Variants in ABCG8 observed in about 807,000 individuals in gnomAD.
The protein encoded by ABCG8 is ATP-binding cassette sub-family G member 8.
Under a neutral mutation model 71.3 loss-of-function variants are expected in ABCG8, and 81 were observed. The ratio of observed to expected loss-of-function variants is 1.14; its 90% CI spans 0.95 to 1.37. The LOEUF (loss-of-function observed/expected upper bound fraction) is 1.37. ABCG8 is among the 40% of genes most tolerant of loss of function. ABCG8 has a pLI of 0.00. For synonymous variants in ABCG8, 451 were observed against 354.7 expected, an observed-to-expected ratio of 1.27 and a Z score of -3.05; for missense variants, 1,119 against 866.2, an observed-to-expected ratio of 1.29 and a Z score of -3.66.
chr2:43,854,453 C>T (rs1206107418), intron 6 of ABCG8, among the ~76,000 whole-genome samples: 4 of 151,986 alleles, frequency 2.6e-5, no homozygotes, highest in African/African-American at 4.8e-5. Context: ...CATGGTGAAA[C>T]TCTGTCTCTA....
At chr2:43,840,669 C>A (rs1460575631) in intron 1 of ABCG8, among the ~76,000 whole-genome samples, 1 of 152,186 alleles carries the variant, frequency 6.6e-6, no homozygotes, top group Non-Finnish European at 1.5e-5. Context: ...TCCTCACAAC[C>A]TGAAAGGCCA....
chr2:43,865,954 G>A (rs1047622127), intron 6 of ABCG8, among the ~76,000 whole-genome samples: 1 of 149,890 alleles, frequency 6.7e-6, no homozygotes, highest in Non-Finnish European at 1.5e-5. Context: ...ACCCTCTTAG[G>A]CTACAGTAAC....
intron 6 of ABCG8, among the ~76,000 whole-genome samples, chr2:43,865,455 A>G (rs1024851871): frequency 6.6e-6 from 1 of 151,474 alleles, no homozygotes; most frequent in East Asian, 1.9e-4. Context: ...CAGTATCTGG[A>G]TAGAATTCTC....
rs1468507317 is a variant in ABCG8 at position 43,875,136 on chromosome 2, T to C, written c.1489-10T>C. ...TGGCTTCATATCCTTGCAAGGGCTG[T>C]TCTTTGCAGATCCTCGGGGAGCTTC... On this transcript the variant is annotated splice_polypyrimidine_tract_variant and intron_variant, in intron 10 of 12. Transcript: ENST00000272286. The C allele has an allele frequency of 6.2e-7, 1 of 1,614,194 alleles. No individual in the cohort carries two copies. Among genetic ancestry groups the C allele is most frequent in the South Asian group, 1.1e-5 (1 of 91,084 alleles).
rs911286494 is a variant in ABCG8, at chr2:43,882,490, T to C, written c.*4577T>C. ...CGGGGAAAGTGATGAAATATTTTGT[T>C]GGTTGGCCTTTGCTTGTTTGCAAAA... On this transcript the variant is annotated 3_prime_UTR_variant, in exon 13 of 13. Coordinates refer to ENST00000272286, the MANE Select transcript of ABCG8 (RefSeq NM_022437.3). The C allele has an allele frequency of 6.6e-6, 1 of 152,266 alleles. No individual in the cohort carries two copies. The highest frequency in any genetic ancestry group is 2.4e-5 in the African/African-American group (1 of 41,462). 9.4% of individuals were successfully genotyped at this position (152,266 alleles called of 1,614,324 possible). A position where few individuals can be genotyped will look rare whatever the true frequency, so the allele number is the denominator to read the frequency against.
rs1001488865 is a variant in ABCG8, at chr2:43,845,080, A to G, written c.165+472A>G. On this transcript the variant is annotated intron_variant, in intron 2 of 12. Transcript: ENST00000272286. ...TTCAGATTTCATTAGTTATATATAT[A>G]TGTGTGTGTGTGTGTGTGTATATAT... 5.5e-4 allele frequency among the ~76,000 whole-genome samples: 76 copies of G among 139,098 alleles called. No homozygotes were observed. In the South Asian group the frequency reaches 0.013, roughly 24 times the overall value. The allele number at this position is 139,098 out of a possible 152,430, so 91.3% of individuals were successfully genotyped here. A position where few individuals can be genotyped will look rare whatever the true frequency, so the allele number is the denominator to read the frequency against.
rs997459654 is a variant in ABCG8, at chr2:43,881,732, G to A, written c.*3819G>A. The A allele has an allele frequency of 2.0e-5, 3 of 149,160 alleles. No individual in the cohort carries two copies. The highest frequency in any genetic ancestry group is 7.4e-5 in the African/African-American group (3 of 40,308). The allele number at this position is 149,160 out of a possible 1,614,324, so 9.2% of individuals were successfully genotyped here. ...CAAAAAAAAAAAAAAAAAACCCAAG[G>A]CTCTCGAGGCATGCATGCTGTTCAG... On this transcript the variant is annotated 3_prime_UTR_variant, in exon 13 of 13. Coordinates refer to ENST00000272286, the MANE Select transcript of ABCG8 (RefSeq NM_022437.3).
At chr2:43,852,264 A>T in intron 4 of ABCG8, 90 bp from the exon 5 acceptor site, 1 of 1,581,780 alleles carries the variant, frequency 6.3e-7, no homozygotes, top group South Asian at 1.1e-5. Flanking sequence ...ACCCAGCCGG[A>T]GGAGCGGGCG....
Position 43,852,770 on chromosome 2 carries a change from G to C in ABCG8, c.866G>C (p.Gly289Ala), listed in dbSNP as rs769842021. Residue 289 changes from glycine (G) to alanine (A), a missense_variant, in exon 6 of 13, where the codon GGC becomes GCC. Transcript: ENST00000272286. ...LFDLVLLMTS[G>A]TPIYLGAAQH... The stretch of plus-strand genomic sequence containing the variant: ...GATCTGGTCCTCCTGATGACGTCTG[G>C]CACCCCCATCTACTTAGGGGCGGCC... 1 of 1,614,088 alleles carries C rather than the reference G, an allele frequency of 6.2e-7. No individual in the cohort carries two copies. Among genetic ancestry groups the C allele is most frequent in the Non-Finnish European group, 8.5e-7 (1 of 1,179,996 alleles).
intron 6 of ABCG8, among the ~76,000 whole-genome samples, chr2:43,855,283 A>C (rs1348470116): frequency 6.6e-6 from 1 of 151,704 alleles, no homozygotes; most frequent in Non-Finnish European, 1.5e-5. Flanking sequence ...TCTGTATATA[A>C]CTCTCACTAT....
chr2:43,873,835 T>C lies in ABCG8; in HGVS notation c.1260T>C (p.His420=), dbSNP rs749879982. The stretch of plus-strand genomic sequence containing the variant: ...GAGACCTGCCCACCCTCCTCATCCA[T>C]GGGGCGGAGGCCTGTCTGATGTCAA... ...DFRDLPTLLI[H]GAEACLMSMT... Residue 420 remains histidine, a synonymous_variant, in exon 9 of 13, where the codon CAT becomes CAC. Coordinates refer to ENST00000272286, the MANE Select transcript of ABCG8 (RefSeq NM_022437.3). 6 of 1,614,160 alleles carry C rather than the reference T, an allele frequency of 3.7e-6. No individual in the cohort carries two copies. The highest frequency in any genetic ancestry group is 5.1e-6 in the Non-Finnish European group (6 of 1,180,018).
intron 6 of ABCG8, among the ~76,000 whole-genome samples, chr2:43,855,858 C>A (rs1369083720): frequency 6.6e-6 from 1 of 152,078 alleles, no homozygotes; most frequent in Non-Finnish European, 1.5e-5. Flanking sequence ...GGATAGAATT[C>A]TCACTCACTG....
rs113955929 is a variant in ABCG8, at chr2:43,877,478, G to A, written c.1757-83G>A. 3.7e-5 allele frequency: 59 copies of A among 1,602,282 alleles called. 3 individuals are homozygous for A. The African/African-American group carries it at 4.3e-4, about 12-fold the overall frequency. Reference sequence around the variant, plus strand: ...CCATGGGAATATGGGGAGACTCTGTGAATATGGGGGAGACCATGCGAATAT... The same window carrying A: ...CCATGGGAATATGGGGAGACTCTGTAAATATGGGGGAGACCATGCGAATAT... On this transcript the variant is annotated intron_variant, in intron 11 of 12. Transcript: ENST00000272286.
intron 3 of ABCG8, among the ~76,000 whole-genome samples, chr2:43,850,383 A>C (rs1668876268): frequency 1.3e-5 from 2 of 152,196 alleles, no homozygotes; most frequent in African/African-American, 2.4e-5. Context: ...TCTGATGCTT[A>C]CTTTCTCAAA....
At position 43,880,673 on chromosome 2, in the gene ABCG8, C is replaced by G. The variant is rs930477872; in HGVS notation, c.*2760C>G. ...GAGTGTGTGTGTGTGTGCGCGCGCG[C>G]GCGCGCATGTGCATACATATACACC... On this transcript the variant is annotated 3_prime_UTR_variant, in exon 13 of 13. Coordinates refer to ENST00000272286, the MANE Select transcript of ABCG8 (RefSeq NM_022437.3). 1 of 152,226 alleles carries G rather than the reference C, an allele frequency of 6.6e-6. No individual in the cohort carries two copies. The highest frequency in any genetic ancestry group is 1.5e-5 in the Non-Finnish European group (1 of 68,128). 9.4% of individuals were successfully genotyped at this position (152,226 alleles called of 1,614,324 possible). A position where few individuals can be genotyped will look rare whatever the true frequency, so the allele number is the denominator to read the frequency against.
chr2:43,839,359 G>C (rs2104902491), intron 1 of ABCG8, among the ~76,000 whole-genome samples: 1 of 135,828 alleles, frequency 7.4e-6, no homozygotes, highest in South Asian at 2.4e-4. Context: ...ATGTTCTTTT[G>C]TGTGATGTGG....
At chr2:43,866,946 C>A (rs1325261664) in intron 6 of ABCG8, among the ~76,000 whole-genome samples, 7 of 151,100 alleles carry the variant, frequency 4.6e-5, no homozygotes, top group Admixed American at 1.3e-4. Context: ...GGAACCAACC[C>A]AAATGTCCAA....
At chr2:43,863,726 A>G (rs1669417456) in intron 6 of ABCG8, among the ~76,000 whole-genome samples, 1 of 151,446 alleles carries the variant, frequency 6.6e-6, no homozygotes, top group Non-Finnish European at 1.5e-5. Context: ...CACCATTTGG[A>G]TAGAACTCTC....
chr2:43,874,129 T>C (rs976221296), intron 9 of ABCG8, 143 bp downstream of exon 9: 21 of 975,750 alleles, frequency 2.2e-5, no homozygotes, highest in South Asian at 1.3e-4. Flanking sequence ...CATGTTAATA[T>C]TAGCATACAA....
Sources: allele counts gnomAD v4.1 joint callset (sites outside exome capture counted in the v4.1 genomes callset), GRCh38; gene constraint gnomAD v4.1.1; transcripts MANE v1.5; gene names NCBI Gene and HGNC (gene_info 2026-07-23, HGNC 2026-07-21).